The following PCDH15 variants were observed in gnomAD, a reference collection of about 807,000 sequenced individuals.
PCDH15 encodes protocadherin related 15.
PCDH15 carries 129 observed loss-of-function variants against 178.5 expected under a neutral mutation model. That is an observed-to-expected ratio of 0.72 (90% CI 0.63 to 0.84). PCDH15 has a LOEUF of 0.84. PCDH15 is among the 40% of genes least tolerant of loss of function. The probability of loss-of-function intolerance (pLI) is 0.00; values close to 1 mark genes in which losing one functional copy is unlikely to be tolerated. For synonymous variants in PCDH15, 800 were observed against 732.0 expected (o/e 1.09, Z -1.50); for missense variants, 2,230 against 2,099.9 (o/e 1.06, Z -1.21).
chr10:54,583,122 TAGAC>T (rs1290267164), intron 2 of PCDH15, among the ~76,000 whole-genome samples: 1 of 152,090 alleles, frequency 6.6e-6, no homozygotes, highest in African/African-American at 2.4e-5. Flanking sequence ...CCATAGTTGA[TAGAC>T]AGACTATAAT....
chr10:54,945,347 TAGATGATA>T (rs748739789), intron 2 of PCDH15, among the ~76,000 whole-genome samples: 22 of 140,592 alleles, frequency 1.6e-4, no homozygotes, highest in Non-Finnish European at 1.7e-4. Flanking sequence ...GATAGATAGA[TAGATGATA>T]GATAGATATA....
In PCDH15 at chr10:55,570,931, CT is replaced by C. The variant is rs1211149382; in HGVS notation, c.-156+56693del. ...CTTTTAGTTGTTCCCCATGTTAAAA[CT>C]TTTTTAAGGCCACTATCATAAAAGC... On this transcript the variant is annotated intron_variant, in intron 2 of 5. Transcript: ENST00000613346. Among the ~76,000 whole-genome samples the C allele has an allele frequency of 2.6e-5, 4 of 152,076 alleles. No homozygotes were observed. In the East Asian group the frequency reaches 7.7e-4, roughly 29 times the overall value.
intron 1 of PCDH15, among the ~76,000 whole-genome samples, chr10:54,722,590 A>AG (rs1373633568): frequency 1.3e-5 from 2 of 148,264 alleles, no homozygotes; most frequent in African/African-American, 5.0e-5. Flanking sequence ...AAAAAAAAAA[A>AG]AAAATGTCAA....
intron 9 of PCDH15, among the ~76,000 whole-genome samples, chr10:54,231,923 C>T (rs1007302729): frequency 3.9e-5 from 6 of 152,120 alleles, no homozygotes; most frequent in African/African-American, 1.2e-4. Flanking sequence ...GGCTCATAGG[C>T]GGAAGGGACT....
intron 11 of PCDH15, among the ~76,000 whole-genome samples, chr10:54,188,958 T>A (rs2048720432): frequency 6.6e-6 from 1 of 151,928 alleles, no homozygotes; most frequent in Non-Finnish European, 1.5e-5. Context: ...TTTAATTACT[T>A]GGTAGTAGTT....
At chr10:55,040,798 G>C (rs1840847720) in intron 2 of PCDH15, among the ~76,000 whole-genome samples, 1 of 151,904 alleles carries the variant, frequency 6.6e-6, no homozygotes. Flanking sequence ...TAACACTAAA[G>C]TAAATTAATT....
chr10:54,543,070 G>A (rs1255048698), intron 2 of PCDH15, among the ~76,000 whole-genome samples: 3 of 152,118 alleles, frequency 2.0e-5, no homozygotes, highest in Non-Finnish European at 2.9e-5. Context: ...GGAAGGAGGC[G>A]GAGTTTGGTC....
intron 1 of PCDH15, among the ~76,000 whole-genome samples, chr10:55,270,557 T>C (rs1842417028): frequency 6.6e-6 from 1 of 151,536 alleles, no homozygotes; most frequent in Non-Finnish European, 1.5e-5. Context: ...CCATCACTAA[T>C]TATCAGAGAA....
At chr10:55,016,124 G>A (rs1248945187) in intron 2 of PCDH15, among the ~76,000 whole-genome samples, 2 of 147,330 alleles carry the variant, frequency 1.4e-5, no homozygotes, top group African/African-American at 5.1e-5. Flanking sequence ...AAAAAAGACT[G>A]TGGGTACAAA....
At chr10:55,193,390 C>T (rs562674704) in intron 1 of PCDH15, among the ~76,000 whole-genome samples, 1 of 151,700 alleles carries the variant, frequency 6.6e-6, no homozygotes, top group Admixed American at 6.6e-5. Flanking sequence ...AATTAATGTG[C>T]CTAGTCTGAG....
chr10:54,769,066 T>C, intron 1 of PCDH15, among the ~76,000 whole-genome samples: 1 of 152,178 alleles, frequency 6.6e-6, no homozygotes, highest in South Asian at 2.1e-4. Context: ...TCAAATGATT[T>C]AAAACAGATG....
At chr10:55,508,701 A>G (rs1840814672) in intron 2 of PCDH15, among the ~76,000 whole-genome samples, 2 of 151,784 alleles carry the variant, frequency 1.3e-5, no homozygotes, top group Admixed American at 1.3e-4. Context: ...CTTTTATTCA[A>G]AAGTTATTTA....
At chr10:54,519,367 C>T (rs1350735116) in intron 3 of PCDH15, among the ~76,000 whole-genome samples, 1 of 152,066 alleles carries the variant, frequency 6.6e-6, no homozygotes, top group African/African-American at 2.4e-5. Context: ...AGCAAAGTCT[C>T]AGGATACAAA....
At chr10:53,999,824 G>A (rs2092035762) in intron 20 of PCDH15, among the ~76,000 whole-genome samples, 1 of 152,194 alleles carries the variant, frequency 6.6e-6, no homozygotes, top group South Asian at 2.1e-4. Context: ...GCCACCTGCT[G>A]ATTATAGAGA....
At chr10:55,333,161 T>G (rs936000116) in intron 2 of PCDH15, among the ~76,000 whole-genome samples, 1 of 152,140 alleles carries the variant, frequency 6.6e-6, no homozygotes, top group Non-Finnish European at 1.5e-5. Context: ...AATTATAACT[T>G]TAACATCATA....
At chr10:54,148,207 A>G (rs1292192900) in intron 14 of PCDH15, among the ~76,000 whole-genome samples, 2 of 151,944 alleles carry the variant, frequency 1.3e-5, no homozygotes, top group Non-Finnish European at 2.9e-5. Flanking sequence ...TCAATGTATA[A>G]AAGTATTCTA....
intron 25 of PCDH15, among the ~76,000 whole-genome samples, chr10:53,935,966 G>C (rs1443407166): frequency 1.3e-5 from 2 of 152,118 alleles, no homozygotes; most frequent in Non-Finnish European, 2.9e-5. Context: ...TAAGGAAGGA[G>C]TGAATATCAC....
At chr10:54,698,324 T>C (rs1254148925) in intron 1 of PCDH15, among the ~76,000 whole-genome samples, 1 of 152,142 alleles carries the variant, frequency 6.6e-6, no homozygotes, top group Non-Finnish European at 1.5e-5. Context: ...TACAGTGACA[T>C]GGGTTTGCTC....
At chr10:55,526,327 A>C (rs1841300930) in intron 2 of PCDH15, among the ~76,000 whole-genome samples, 3 of 152,036 alleles carry the variant, frequency 2.0e-5, no homozygotes, top group African/African-American at 7.2e-5. Flanking sequence ...CGTAGAAAAC[A>C]GGATATGCTT....
Sources: gnomAD v4.1 joint callset for allele counts (sites outside exome capture counted in the v4.1 genomes callset) on GRCh38, gnomAD v4.1.1 for gene constraint, MANE v1.5 for transcripts, NCBI Gene and HGNC (gene_info 2026-07-23, HGNC 2026-07-21) for gene names.